WDR46: variants seen among roughly 807,000 people sequenced by gnomAD.
WDR46 encodes WD repeat-containing protein 46.
WDR46 carries 58 observed loss-of-function variants against 74.7 expected under a neutral mutation model. The observed-to-expected ratio is 0.78, with a 90% confidence interval of 0.63 to 0.97. The LOEUF is 0.97. WDR46 is among the 50% of genes least tolerant of loss of function. The pLI is 0.00. For synonymous variants in WDR46, 278 were observed against 297.3 expected (o/e 0.93, Z 0.67); for missense variants, 702 against 790.1 (o/e 0.89, Z 1.34).
In WDR46 at chr6:33,289,199, C is replaced by G; in HGVS notation, c.-29G>C. On this transcript the variant is annotated 5_prime_UTR_variant, in exon 1 of 15. Transcript: ENST00000374617. ...GCCCACCCGAACGGCGATCCACGTG[C>G]AAAACTCCTCTCAGCTGCCACACAG... 6.2e-7 allele frequency: 1 copy of G among 1,601,568 alleles called. No homozygotes were observed. The highest frequency in any genetic ancestry group is 1.3e-5 in the African/African-American group (1 of 74,448).
In WDR46 at chr6:33,280,734, G is replaced by A. The variant is rs150622795; in HGVS notation, c.1369C>T (p.Pro457Ser). The A allele has an allele frequency of 2.3e-4, 368 of 1,609,220 alleles. 2 individuals are homozygous for A. The African/African-American group carries it at 4.6e-3, about 20-fold the overall frequency. ...CCCACCCCCAGCACATCTTCAAAGG[G>A]GCAGAACTGAAGGCCATGCACAGGG... Reference protein sequence around the residue: ...SGPVHGLQFCPFEDVLGVGHT... With the variant: ...SGPVHGLQFCSFEDVLGVGHT... The change falls in exon 11 of 15, where the codon CCC becomes TCC. Residue 457 changes from proline to serine, a missense_variant. Transcript: ENST00000374617.
At position 33,288,655 on chromosome 6, in the gene WDR46, CCACA is replaced by C; in HGVS notation, c.315_318del (p.Val106LysfsTer85). On this transcript the variant is annotated frameshift_variant, in exon 3 of 15. Transcript: ENST00000374617. LOFTEE classifies it high-confidence loss of function. The stretch of plus-strand genomic sequence containing the variant: ...ATGCGACAGAACTTCTGGACCACTT[CCACA>C]GGGACGGGGGCGGGGCCTGGGAATG... 1 of 1,612,816 alleles carries C rather than the reference CCACA, an allele frequency of 6.2e-7. No homozygotes were observed. The highest frequency in any genetic ancestry group is 1.7e-5 in the Admixed American group (1 of 59,798).
chr6:33,288,193 G>C lies in WDR46; in HGVS notation c.516C>G (p.Cys172Trp), dbSNP rs1425989619. ...GEDGEDTAKI[C>W]QADIVEAVDI... ...CCACAGCCTCCACAATGTCAGCCTG[G>C]CATATCTTTGCTGTGTCTTCCCCAT... is the stretch of plus-strand genomic sequence containing the variant. Residue 172 changes from cysteine to tryptophan, a missense_variant, in exon 5 of 15, where the codon TGC becomes TGG. Coordinates refer to ENST00000374617, the MANE Select transcript of WDR46 (RefSeq NM_005452.6). 1.2e-6 allele frequency: 2 copies of C among 1,614,162 alleles called. No homozygotes were observed. The highest frequency in any genetic ancestry group is 1.6e-4 in the Middle Eastern group (1 of 6,062).
Position 33,287,338 on chromosome 6 carries a change from G to C in WDR46, c.879+17C>G, listed in dbSNP as rs1205227504. ...CCAAGGGCTTCCAACCAGTTCCTGAGCTCCATGGCCACTCACAGCTGTAGC... is the reference window on the plus strand; with the variant it reads ...CCAAGGGCTTCCAACCAGTTCCTGACCTCCATGGCCACTCACAGCTGTAGC... On this transcript the variant is annotated intron_variant, in intron 8 of 14. Coordinates refer to ENST00000374617, the MANE Select transcript of WDR46 (RefSeq NM_005452.6). The C allele has an allele frequency of 6.2e-7, 1 of 1,612,950 alleles. No homozygotes were observed. The highest frequency in any genetic ancestry group is 1.7e-5 in the Admixed American group (1 of 59,832).
At position 33,288,514 on chromosome 6, in the gene WDR46, A is replaced by G. The variant is rs201186562; in HGVS notation, c.361-44T>C. Reference sequence around the variant, plus strand: ...GGAGGAGTGGCAGAAGAACCACAGGATAAGTGGGGTCACAGGAGAGCTACC... The same window carrying G: ...GGAGGAGTGGCAGAAGAACCACAGGGTAAGTGGGGTCACAGGAGAGCTACC... On this transcript the variant is annotated intron_variant, in intron 3 of 14. Transcript: ENST00000374617. 3.2e-3 allele frequency: 5,200 copies of G among 1,611,316 alleles called. 100 individuals are homozygous for G. In the South Asian group the frequency reaches 0.037, roughly 12 times the overall value.
intron 10 of WDR46, among the ~76,000 whole-genome samples, chr6:33,282,539 A>C (rs2150899259): frequency 6.6e-6 from 1 of 152,306 alleles, no homozygotes; most frequent in African/African-American, 2.4e-5. Flanking sequence ...TTCGGCTTTG[A>C]GAAGTCAACG....
Position 33,280,427 on chromosome 6 carries a change from C to A in WDR46, c.1524+1G>T. 1.3e-6 allele frequency: 2 copies of A among 1,570,600 alleles called. No homozygotes were observed. The highest frequency in any genetic ancestry group is 1.7e-6 in the Non-Finnish European group (2 of 1,156,312). On this transcript the variant is annotated splice_donor_variant, in intron 12 of 14. Coordinates refer to ENST00000374617, the MANE Select transcript of WDR46 (RefSeq NM_005452.6). LOFTEE classifies it high-confidence loss of function. The stretch of plus-strand genomic sequence containing the variant: ...CACCCTCTCCAGCAGGGGAGCCTCA[C>A]CTTCTCTAGCAGGGCCTTCACCTCC...
At chr6:33,287,813 C>T (rs530541537) in intron 6 of WDR46, 95 bp from the exon 7 acceptor site, 84 of 1,528,032 alleles carry the variant, frequency 5.5e-5, no homozygotes, top group Admixed American at 4.2e-4. Context: ...TCTCTCCAGG[C>T]GGGCAGACAC....
At chr6:33,279,687 C>A in intron 13 of WDR46, 77 bp from the exon 14 acceptor site, 3 of 1,612,464 alleles carry the variant, frequency 1.9e-6, no homozygotes, top group South Asian at 2.2e-5. Context: ...GCTGGCCGCA[C>A]TTCTGGGGAC....
Position 33,286,841 on chromosome 6 carries a change from A to G in WDR46, c.1069T>C (p.Cys357Arg), listed in dbSNP as rs1372510011. 1.2e-6 allele frequency: 2 copies of G among 1,614,158 alleles called. No individual in the cohort carries two copies. The highest frequency in any genetic ancestry group is 1.7e-5 in the Admixed American group (1 of 60,016). The change falls in exon 10 of 15, where the codon TGT (cysteine) becomes CGT (arginine). Residue 357 changes from cysteine to arginine, a missense_variant. Physicochemically the swap from Cys to Arg is radical, Grantham distance 180. Transcript: ENST00000374617. ...ACAGCCCGGACCCCACCACGATGAC[A>G]GAGAATCTTTGCCAGTGGCTCCTTC... ...AMKEPLAKIL[C>R]HRGGVRAVAV...
chr6:33,287,962 T>A lies in WDR46; in HGVS notation c.623+3A>T, dbSNP rs761621076. ...TTCAAGAGTCACTAGAATTCAACCT[T>A]ACCTTCCAGTTCGAGAGTAGTTTAG... On this transcript the variant is annotated splice_donor_region_variant and intron_variant, in intron 6 of 14. Transcript: ENST00000374617. The A allele has an allele frequency of 6.2e-7, 1 of 1,614,102 alleles. No homozygotes were observed. Among genetic ancestry groups the A allele is most frequent in the South Asian group, 1.1e-5 (1 of 91,078 alleles).
Position 33,289,116 on chromosome 6 carries a change from G to C in WDR46, c.55C>G (p.Gln19Glu). The change falls in exon 1 of 15, where the codon CAG becomes GAG. Residue 19 changes from glutamine to glutamate, a missense_variant. Gln to Glu is a conservative substitution (Grantham distance 29). Transcript: ENST00000374617. ...GAGGCCTCTACCTTTCTCTTGGTCT[G>C]AAGTTTGTCTTTCTTGGGCGGGACA... is the stretch of plus-strand genomic sequence containing the variant. ...KDVPPKKDKL[Q>E]TKRKKPRRYW... The C allele has an allele frequency of 6.2e-7, 1 of 1,612,684 alleles. No homozygotes were observed. Among genetic ancestry groups the C allele is most frequent in the East Asian group, 2.2e-5 (1 of 44,820 alleles).
intron 6 of WDR46, 114 bp downstream of exon 6, chr6:33,287,851 C>T (rs1460613818): frequency 1.3e-6 from 2 of 1,511,378 alleles, no homozygotes; most frequent in Non-Finnish European, 1.8e-6. Flanking sequence ...TACCCTCACA[C>T]CCAAGCAAAT....
chr6:33,279,909 A>G (rs371654861), intron 12 of WDR46, 50 bp from the exon 13 acceptor site: 1 of 1,587,358 alleles, frequency 6.3e-7, no homozygotes, highest in African/African-American at 1.4e-5. Context: ...ACAGGAGGGT[A>G]GCACCAAAAA....
At chr6:33,285,812 C>T (rs1395948333) in intron 10 of WDR46, among the ~76,000 whole-genome samples, 4 of 151,094 alleles carry the variant, frequency 2.6e-5, no homozygotes, top group Non-Finnish European at 1.5e-5. Context: ...GCGTGAGCCA[C>T]CGCACCTGGC....
At chr6:33,288,302 G>A in intron 4 of WDR46, 56 bp downstream of exon 4, 1 of 1,613,480 alleles carries the variant, frequency 6.2e-7, no homozygotes, top group Non-Finnish European at 8.5e-7. Context: ...ACATAAAAAC[G>A]AGAAAAGACA....
intron 10 of WDR46, among the ~76,000 whole-genome samples, chr6:33,286,085 G>A (rs557839437): frequency 8.5e-4 from 129 of 151,482 alleles, no homozygotes; most frequent in Non-Finnish European, 1.7e-3. Flanking sequence ...AGGTTGCAGT[G>A]AGCCGAGATC....
At chr6:33,286,499 G>A (rs1766647963) in intron 10 of WDR46, among the ~76,000 whole-genome samples, 1 of 152,040 alleles carries the variant, frequency 6.6e-6, no homozygotes, top group African/African-American at 2.4e-5. Flanking sequence ...ATGCCTACAT[G>A]GTACCCTTTG....
At chr6:33,280,357 T>C (rs1163436560) in intron 12 of WDR46, 71 bp downstream of exon 12, 1 of 1,511,888 alleles carries the variant, frequency 6.6e-7, no homozygotes, top group Non-Finnish European at 9.0e-7. Flanking sequence ...CCTCACCCTC[T>C]CCAGGACGGG....
Sources: allele counts gnomAD v4.1 joint callset (sites outside exome capture counted in the v4.1 genomes callset), GRCh38; gene constraint gnomAD v4.1.1; transcripts MANE v1.5; gene names NCBI Gene and HGNC (gene_info 2026-07-23, HGNC 2026-07-21).